CDH12: variants seen among roughly 807,000 people sequenced by gnomAD.
CDH12 encodes the protein cadherin-12.
CDH12 carries 41 observed loss-of-function variants against 74.1 expected under a neutral mutation model. The observed-to-expected ratio is 0.55, with a 90% CI of 0.43 to 0.72. CDH12 has a LOEUF of 0.72. Ranked by LOEUF, CDH12 falls within the 30% of genes least tolerant of loss-of-function variation. CDH12 has a pLI of 0.00. For synonymous variants in CDH12, 399 were observed against 355.0 expected, an observed-to-expected ratio of 1.12 and a Z score of -1.39; for missense variants, 945 against 977.2, an observed-to-expected ratio of 0.97 and a Z score of 0.44.
intron 1 of CDH12, among the ~76,000 whole-genome samples, chr5:22,757,281 T>G (rs1335560716): frequency 6.6e-6 from 1 of 152,236 alleles, no homozygotes; most frequent in Non-Finnish European, 1.5e-5. Context: ...TTTAAATGTT[T>G]GCGTTGGTCA....
At chr5:22,038,504 G>C (rs1021369751) in intron 5 of CDH12, among the ~76,000 whole-genome samples, 6 of 152,172 alleles carry the variant, frequency 3.9e-5, no homozygotes, top group Non-Finnish European at 7.3e-5. Context: ...ACGGTGCCAT[G>C]GTGGAGCTGT....
chr5:22,598,830 TCATTCCTACCATCC>T (rs1736719718), intron 1 of CDH12, among the ~76,000 whole-genome samples: 1 of 152,204 alleles, frequency 6.6e-6, no homozygotes, highest in Non-Finnish European at 1.5e-5. Flanking sequence ...AGAGATGGTA[TCATTCCTACCATCC>T]CCCTCCTTGT....
chr5:22,814,802 C>T (rs1435778288), intron 1 of CDH12, among the ~76,000 whole-genome samples: 7 of 152,158 alleles, frequency 4.6e-5, no homozygotes, highest in African/African-American at 1.7e-4. Flanking sequence ...AATTTTAAAA[C>T]ATACCATGTA....
rs138400540 is a variant in CDH12, at chr5:22,749,272, G to T, written c.-523+103786C>A. ...GTTCAAAGAGAGACCTGTCTGAAGC[G>T]CAGGTGAGAAATGAGTCTGAAAGGG... On this transcript the variant is annotated intron_variant, in intron 1 of 14. Coordinates refer to ENST00000382254, the MANE Select transcript of CDH12 (RefSeq NM_004061.5). Among the ~76,000 whole-genome samples, 4 of 152,206 alleles carry T rather than the reference G, an allele frequency of 2.6e-5. No homozygotes were observed. In the East Asian group the frequency reaches 7.7e-4, roughly 29 times the overall value.
At chr5:22,143,859 C>T (rs554094715) in intron 4 of CDH12, 1 of 152,302 alleles carries the variant, frequency 6.6e-6, no homozygotes, top group South Asian at 2.1e-4. Context: ...GCATATACTT[C>T]TGTTTGTAAA....
intron 5 of CDH12, among the ~76,000 whole-genome samples, chr5:21,996,266 T>C (rs1736297037): frequency 6.6e-6 from 1 of 152,158 alleles, no homozygotes; most frequent in Non-Finnish European, 1.5e-5. Context: ...GCCAGCTGCC[T>C]CCCAACCATA....
chr5:22,732,469 TATACACACACAC>T lies in CDH12; in HGVS notation c.-523+120577_-523+120588del, dbSNP rs1376161362. ...GTGAATGTGTGTGTATATATATATA[TATACACACACAC>T]ACACACACACACACACACACATAAA... On this transcript the variant is annotated intron_variant, in intron 1 of 14. Transcript: ENST00000382254. Among the ~76,000 whole-genome samples, 121 of 58,318 alleles carry T rather than the reference TATACACACACAC, an allele frequency of 2.1e-3. 2 individuals are homozygous for T. The highest frequency in any genetic ancestry group is 0.01 in the East Asian group (14 of 1,394). The allele number at this position is 58,318 out of a possible 152,430, so 38.3% of individuals were successfully genotyped here.
chr5:22,584,745 T>C (rs1740292976), intron 1 of CDH12, among the ~76,000 whole-genome samples: 1 of 152,194 alleles, frequency 6.6e-6, no homozygotes. Flanking sequence ...TTTCTTTCTC[T>C]ATAAGTTATA....
At chr5:22,809,372 A>T (rs1749008519) in intron 1 of CDH12, among the ~76,000 whole-genome samples, 9 of 151,982 alleles carry the variant, frequency 5.9e-5, no homozygotes, top group Admixed American at 5.9e-4. Flanking sequence ...GTCTAACAAT[A>T]TAATCCTATA....
intron 6 of CDH12, among the ~76,000 whole-genome samples, chr5:21,929,701 T>C (rs1314891016): frequency 6.6e-6 from 1 of 152,040 alleles, no homozygotes; most frequent in Non-Finnish European, 1.5e-5. Flanking sequence ...TATTTTTTTG[T>C]AGAGGCGGGG....
intron 1 of CDH12, among the ~76,000 whole-genome samples, chr5:22,827,783 C>T (rs1736410439): frequency 6.6e-6 from 1 of 152,164 alleles, no homozygotes; most frequent in African/African-American, 2.4e-5. Flanking sequence ...GAATGATAAC[C>T]TCAAAGTTCA....
intron 1 of CDH12, among the ~76,000 whole-genome samples, chr5:22,650,715 A>T (rs1739690265): frequency 6.6e-6 from 1 of 152,032 alleles, no homozygotes; most frequent in Non-Finnish European, 1.5e-5. Flanking sequence ...GCAAAATGAT[A>T]TTGGGTAATG....
At chr5:22,184,384 C>T (rs2150340365) in intron 4 of CDH12, among the ~76,000 whole-genome samples, 1 of 152,198 alleles carries the variant, frequency 6.6e-6, no homozygotes, top group South Asian at 2.1e-4. Flanking sequence ...TGTATAACAA[C>T]ATTTTTTCCC....
chr5:22,277,887 C>G (rs1736712175), intron 3 of CDH12: 1 of 154,942 alleles, frequency 6.5e-6, no homozygotes, highest in Non-Finnish European at 1.4e-5. Context: ...ACTAAGCTTG[C>G]TGCAATGTGG....
intron 3 of CDH12, among the ~76,000 whole-genome samples, chr5:22,233,342 A>T (rs1341464866): frequency 6.6e-6 from 1 of 152,018 alleles, no homozygotes; most frequent in Non-Finnish European, 1.5e-5. Context: ...TATAAGTAGT[A>T]TCCGTATAAT....
chr5:21,924,341 C>T (rs565171703), intron 6 of CDH12, among the ~76,000 whole-genome samples: 1 of 152,054 alleles, frequency 6.6e-6, no homozygotes, highest in Non-Finnish European at 1.5e-5. Flanking sequence ...CACGGCAAAA[C>T]CCTGTCTCTA....
intron 5 of CDH12, among the ~76,000 whole-genome samples, chr5:21,993,663 C>T (rs2150137599): frequency 6.6e-6 from 1 of 152,214 alleles, no homozygotes; most frequent in South Asian, 2.1e-4. Flanking sequence ...ATCTTCAAAG[C>T]TGCTTCTTCC....
At chr5:22,323,514 G>A (rs185870532) in intron 3 of CDH12, among the ~76,000 whole-genome samples, 1 of 152,194 alleles carries the variant, frequency 6.6e-6, no homozygotes, top group East Asian at 1.9e-4. Context: ...TCTAATAGAA[G>A]ATTATATATT....
In CDH12 at chr5:22,138,806, T is replaced by G. The variant is rs185010094; in HGVS notation, c.-186-59944A>C. On this transcript the variant is annotated intron_variant, in intron 4 of 14. Transcript: ENST00000382254. ...TGAGTTTCAATTATATATGTATAAT[T>G]ATATATATAATTGAATATATATGTG... 7.4e-3 allele frequency among the ~76,000 whole-genome samples: 1,050 copies of G among 142,108 alleles called. 12 individuals carry two copies. Among genetic ancestry groups the G allele is most frequent in the African/African-American group, 0.026 (1,005 of 38,980 alleles). The allele number at this position is 142,108 out of a possible 152,430, so 93.2% of individuals were successfully genotyped here. A position where few individuals can be genotyped will look rare whatever the true frequency, so the allele number is the denominator to read the frequency against.
Sources: allele counts gnomAD v4.1 joint callset (sites outside exome capture counted in the v4.1 genomes callset), GRCh38; gene constraint gnomAD v4.1.1; transcripts MANE v1.5; gene names NCBI Gene and HGNC (gene_info 2026-07-23, HGNC 2026-07-21).